The following PRH1 variants were observed in gnomAD, a reference collection of about 807,000 sequenced individuals.
PRH1 encodes the protein proline rich protein HaeIII subfamily 1.
Under a neutral mutation model 7.9 loss-of-function variants are expected in PRH1, and 7 were observed. The ratio of observed to expected loss-of-function variants is 0.89; its 90% CI spans 0.50 to 1.67. The LOEUF is 1.67. Ranked by LOEUF, PRH1 falls within the 40% of genes most tolerant of loss-of-function variation. The pLI is 0.00. For synonymous variants in PRH1, 45 were observed against 80.8 expected (o/e 0.56, Z 2.38); for missense variants, 109 against 223.6 (o/e 0.49, Z 3.27).
chr12:11,160,847 T>C (rs1192871713), intron 1 of PRH1, among the ~76,000 whole-genome samples: 3 of 152,194 alleles, frequency 2.0e-5, no homozygotes, highest in East Asian at 3.8e-4. Flanking sequence ...ACTTTCAAAC[T>C]ACAAAAGTGA....
At chr12:10,988,745 C>T (rs1412709731) in intron 1 of PRH1, among the ~76,000 whole-genome samples, 2 of 152,080 alleles carry the variant, frequency 1.3e-5, no homozygotes, top group Non-Finnish European at 2.9e-5. Flanking sequence ...TCTCCAAGCC[C>T]CTACACCTTT....
rs533395840 is a variant in PRH1, at chr12:11,168,129, C to T, written n.39+3293G>A. Among the ~76,000 whole-genome samples the T allele has an allele frequency of 6.7e-5, 10 of 150,236 alleles. 1 individual carries two copies. In the East Asian group the frequency reaches 2.0e-3, roughly 30 times the overall value. ...TATGGAAATAAGAGTATATATTTAG[C>T]TCTGAGTATGTTCTGGTAAGAATTA... On this transcript the variant is annotated intron_variant and non_coding_transcript_variant, in intron 1 of 1. Transcript: ENST00000541175.
intron 2 of PRH1, among the ~76,000 whole-genome samples, chr12:10,914,856 C>T (rs765929537): frequency 2.0e-5 from 3 of 152,160 alleles, no homozygotes; most frequent in Admixed American, 6.5e-5. Flanking sequence ...TGGCTGGGCA[C>T]GGTGGCTCAC....
intron 1 of PRH1, among the ~76,000 whole-genome samples, chr12:11,089,924 A>G (rs567536908): frequency 8.6e-6 from 1 of 115,680 alleles, no homozygotes; most frequent in African/African-American, 2.9e-5. Context: ...TTTTCCTTAG[A>G]GGAAGGATTC....
In PRH1 at chr12:10,909,089, CAG is replaced by C. The variant is rs747793308; in HGVS notation, c.-58-24816_-58-24815del. ...CAGACACAAATATGGCTAGATAATGCAGAGCTAAAAACCAACTTACTAATATT... is the reference window on the plus strand; with the variant it reads ...CAGACACAAATATGGCTAGATAATGCAGCTAAAAACCAACTTACTAATATT... On this transcript the variant is annotated intron_variant, in intron 2 of 3. Coordinates refer to the PRH1 transcript ENST00000539853. The C allele has an allele frequency of 2.5e-6, 4 of 1,613,478 alleles. No homozygotes were observed. In the South Asian group the frequency reaches 4.4e-5, roughly 18 times the overall value.
At chr12:10,945,897 C>T (rs1014711747) in intron 2 of PRH1, among the ~76,000 whole-genome samples, 1 of 152,196 alleles carries the variant, frequency 6.6e-6, no homozygotes, top group African/African-American at 2.4e-5. Context: ...GATATTTCTC[C>T]ATTTGCTTTT....
chr12:10,903,931 C>CA (rs546066515), intron 2 of PRH1, among the ~76,000 whole-genome samples: 2,186 of 30,972 alleles, frequency 0.071, 97 homozygotes, highest in African/African-American at 0.1. Context: ...ACAATAGCCT[C>CA]AAAAAAAAAA....
intron 2 of PRH1, among the ~76,000 whole-genome samples, chr12:10,965,677 G>A (rs1938467885): frequency 6.6e-6 from 1 of 152,192 alleles, no homozygotes; most frequent in Non-Finnish European, 1.5e-5. Flanking sequence ...TGCAAATAAA[G>A]ACATATTCTC....
At chr12:10,951,662 T>C (rs1388381943) in intron 2 of PRH1, among the ~76,000 whole-genome samples, 1 of 152,210 alleles carries the variant, frequency 6.6e-6, no homozygotes, top group Non-Finnish European at 1.5e-5. Context: ...AAGGAAGTCA[T>C]TCTCTTAAGT....
intron 1 of PRH1, chr12:11,091,865 T>C: frequency 2.2e-6 from 3 of 1,349,320 alleles, no homozygotes; most frequent in Non-Finnish European, 3.2e-6. Context: ...AACTCTCCTC[T>C]TTAAGTGAAG....
chr12:10,930,204 G>GAAC, intron 2 of PRH1: 2 of 1,560,944 alleles, frequency 1.3e-6, no homozygotes, highest in Non-Finnish European at 1.8e-6. Context: ...TATCCTCGTA[G>GAAC]AACACTATGA....
chr12:10,959,933 A>G (rs936128647), intron 2 of PRH1, among the ~76,000 whole-genome samples: 2 of 152,186 alleles, frequency 1.3e-5, no homozygotes, highest in Non-Finnish European at 2.9e-5. Flanking sequence ...GATTGAGAAG[A>G]GGTGCCCAGT....
chr12:11,165,530 C>A (rs951624153), intron 1 of PRH1, among the ~76,000 whole-genome samples: 8 of 152,156 alleles, frequency 5.3e-5, no homozygotes, highest in Non-Finnish European at 1.2e-4. Flanking sequence ...ATCTTTTCCA[C>A]TAGAATTTTA....
At chr12:10,976,664 C>A in intron 1 of PRH1, among the ~76,000 whole-genome samples, 1 of 150,222 alleles carries the variant, frequency 6.7e-6, no homozygotes, top group South Asian at 2.1e-4. Flanking sequence ...ATAGATAGAA[C>A]ACTAGCCACA....
intron 2 of PRH1, chr12:10,938,819 A>G (rs746098263): frequency 1.9e-6 from 3 of 1,613,486 alleles, no homozygotes; most frequent in Admixed American, 3.3e-5. Context: ...CAGCACCAAA[A>G]CCACCTTTTT....
chr12:10,930,442 A>T (rs917920718), intron 2 of PRH1: 3 of 1,462,196 alleles, frequency 2.1e-6, no homozygotes, highest in African/African-American at 2.9e-5. Context: ...GTTTTCTCCC[A>T]ACCTTGATTC....
At chr12:11,164,711 T>C (rs937578758) in intron 1 of PRH1, among the ~76,000 whole-genome samples, 1 of 151,530 alleles carries the variant, frequency 6.6e-6, no homozygotes, top group African/African-American at 2.4e-5. Flanking sequence ...CTAAAATGTC[T>C]TGTTTTCTAC....
At chr12:10,887,666 T>C (rs2418218), upstream of PRH1, among the ~76,000 whole-genome samples, 114,735 of 151,152 alleles carry the variant, frequency 0.76, 45,773 homozygotes, top group East Asian at 0.94. Context: ...GGATTACAGG[T>C]CCCTCGCCAC....
chr12:11,132,495 A>C (rs1300641066), intron 1 of PRH1, among the ~76,000 whole-genome samples: 2 of 152,244 alleles, frequency 1.3e-5, no homozygotes, highest in Non-Finnish European at 2.9e-5. Context: ...TTTCAAAAAA[A>C]GTTTTTCTTT....
Sources: allele counts gnomAD v4.1 joint callset (sites outside exome capture counted in the v4.1 genomes callset), GRCh38; gene constraint gnomAD v4.1.1; transcripts MANE v1.5; gene names NCBI Gene and HGNC (gene_info 2026-07-23, HGNC 2026-07-21).